The following CNTNAP2 variants were observed in gnomAD, a reference collection of about 807,000 sequenced individuals.
CNTNAP2 encodes contactin-associated protein-like 2.
CNTNAP2 carries 98 observed loss-of-function variants against 155.2 expected under a neutral mutation model. That is an observed-to-expected ratio of 0.63 (90% confidence interval 0.54 to 0.75). The LOEUF is 0.75. Among genes scored for constraint, CNTNAP2 ranks in the 30% least tolerant of loss-of-function variants. CNTNAP2 has a pLI of 0.00. For synonymous variants in CNTNAP2, 651 were observed against 631.2 expected (o/e 1.03, Z -0.47); for missense variants, 1,727 against 1,688.1 (o/e 1.02, Z -0.40).
At chr7:147,318,814 C>A (rs1240268960) in intron 9 of CNTNAP2, among the ~76,000 whole-genome samples, 2 of 151,944 alleles carry the variant, frequency 1.3e-5, no homozygotes, top group African/African-American at 4.8e-5. Context: ...ACATGTATCC[C>A]AGAACTTAAA....
At chr7:146,645,582 G>C (rs960098557) in intron 1 of CNTNAP2, among the ~76,000 whole-genome samples, 1 of 152,086 alleles carries the variant, frequency 6.6e-6, no homozygotes, top group African/African-American at 2.4e-5. Flanking sequence ...TGGAGATGGG[G>C]GTGAGGGGCA....
At chr7:147,151,310 G>C (rs899835894) in intron 8 of CNTNAP2, among the ~76,000 whole-genome samples, 5 of 152,158 alleles carry the variant, frequency 3.3e-5, no homozygotes, top group African/African-American at 1.2e-4. Flanking sequence ...CCAACGCTAA[G>C]AGGGAACTGG....
At chr7:146,612,056 C>T (rs1193842805) in intron 1 of CNTNAP2, among the ~76,000 whole-genome samples, 1 of 152,120 alleles carries the variant, frequency 6.6e-6, no homozygotes. Context: ...TTTGTTACAT[C>T]AGATTACAGC....
chr7:146,974,046 C>T, intron 3 of CNTNAP2, among the ~76,000 whole-genome samples: 1 of 152,170 alleles, frequency 6.6e-6, no homozygotes, highest in African/African-American at 2.4e-5. Flanking sequence ...GATAGATTCT[C>T]ACTTTTACCG....
At chr7:146,535,016 A>G (rs561372122) in intron 1 of CNTNAP2, among the ~76,000 whole-genome samples, 1 of 124,250 alleles carries the variant, frequency 8.0e-6, no homozygotes, top group South Asian at 2.6e-4. Flanking sequence ...TAGGCGTGCC[A>G]TGTCCATCTT....
intron 13 of CNTNAP2, among the ~76,000 whole-genome samples, chr7:147,888,811 AAAT>A (rs10608123): frequency 0.48 from 72,610 of 149,760 alleles, 17,666 homozygotes; most frequent in Middle Eastern, 0.52. Flanking sequence ...TTTTAGGACA[AAAT>A]AATGATAACA....
intron 18 of CNTNAP2, among the ~76,000 whole-genome samples, chr7:148,194,136 AGTGTGT>A (rs5888309): frequency 8.5e-5 from 12 of 141,882 alleles, no homozygotes; most frequent in African/African-American, 2.4e-4. Flanking sequence ...ATGCCTGGCT[AGTGTGT>A]GTGTGTGTGT....
chr7:148,230,754 G>A (rs1795947953), intron 20 of CNTNAP2, among the ~76,000 whole-genome samples: 1 of 152,152 alleles, frequency 6.6e-6, no homozygotes, highest in Admixed American at 6.5e-5. Context: ...GCCTTTCCTA[G>A]GAAACTGACA....
chr7:146,953,394 A>T (rs1188718946), intron 3 of CNTNAP2, among the ~76,000 whole-genome samples: 1 of 151,780 alleles, frequency 6.6e-6, no homozygotes, highest in Non-Finnish European at 1.5e-5. Flanking sequence ...ACGAGATGAT[A>T]AAAAAAACTA....
chr7:147,171,268 C>A (rs1186136513), intron 8 of CNTNAP2, among the ~76,000 whole-genome samples: 1 of 152,184 alleles, frequency 6.6e-6, no homozygotes, highest in African/African-American at 2.4e-5. Flanking sequence ...TCAGCCTTAG[C>A]ATCTGCGTGT....
At chr7:148,379,819 G>A (rs754491302) in intron 21 of CNTNAP2, among the ~76,000 whole-genome samples, 4 of 152,222 alleles carry the variant, frequency 2.6e-5, no homozygotes, top group East Asian at 1.9e-4. Context: ...TCTGTCCTCC[G>A]TGGAGCTGGC....
At chr7:146,721,828 T>TATATAGTCTATATATATATTCTAC (rs1459773254) in intron 1 of CNTNAP2, among the ~76,000 whole-genome samples, 24 of 120,436 alleles carry the variant, frequency 2.0e-4, no homozygotes, top group East Asian at 8.4e-4. Flanking sequence ...ATGTAGACTA[T>TATATAGTCTATATATATATTCTAC]ATATAGTCTA....
At chr7:146,227,392 T>C (rs1316611178) in intron 1 of CNTNAP2, among the ~76,000 whole-genome samples, 1 of 127,288 alleles carries the variant, frequency 7.9e-6, no homozygotes, top group Non-Finnish European at 1.5e-5. Flanking sequence ...GCCACTGCAC[T>C]CCAGCCTGGG....
At chr7:146,871,920 T>A (rs1289951218) in intron 3 of CNTNAP2, among the ~76,000 whole-genome samples, 1 of 152,096 alleles carries the variant, frequency 6.6e-6, no homozygotes, top group Non-Finnish European at 1.5e-5. Context: ...ACATCACATA[T>A]TGCTATTCTC....
At chr7:146,142,857 T>G (rs1797900131) in intron 1 of CNTNAP2, among the ~76,000 whole-genome samples, 1 of 152,240 alleles carries the variant, frequency 6.6e-6, no homozygotes, top group Admixed American at 6.5e-5. Flanking sequence ...AAATATGTAT[T>G]TATAGCCCAT....
At chr7:146,381,050 G>A (rs1036720607) in intron 1 of CNTNAP2, among the ~76,000 whole-genome samples, 1 of 151,276 alleles carries the variant, frequency 6.6e-6, no homozygotes, top group African/African-American at 2.4e-5. Context: ...CGCCCGCCTC[G>A]GCCTCCCAAA....
intron 12 of CNTNAP2, among the ~76,000 whole-genome samples, chr7:147,626,028 G>A (rs981606327): frequency 6.6e-6 from 1 of 152,146 alleles, no homozygotes; most frequent in Admixed American, 6.6e-5. Flanking sequence ...CTGAAGCCCA[G>A]GGAAGCCATC....
At chr7:146,731,190 T>C (rs1801519677) in intron 1 of CNTNAP2, among the ~76,000 whole-genome samples, 11 of 151,882 alleles carry the variant, frequency 7.2e-5, no homozygotes. Flanking sequence ...ATTGTACGAG[T>C]GCCTCATGAT....
intron 8 of CNTNAP2, among the ~76,000 whole-genome samples, chr7:147,293,121 C>T (rs1255987114): frequency 1.3e-5 from 2 of 152,104 alleles, no homozygotes; most frequent in Admixed American, 6.6e-5. Context: ...CATACGATCT[C>T]CCCAATGTAT....
Sources: gnomAD v4.1 joint callset for allele counts (sites outside exome capture counted in the v4.1 genomes callset) on GRCh38, gnomAD v4.1.1 for gene constraint, MANE v1.5 for transcripts, NCBI Gene and HGNC (gene_info 2026-07-23, HGNC 2026-07-21) for gene names.